OR51B5: variants seen among roughly 807,000 people sequenced by gnomAD.
OR51B5 encodes the protein olfactory receptor 51B5.
For synonymous variants in OR51B5, 186 were observed against 144.8 expected (o/e 1.28, Z -2.04); for missense variants, 456 against 374.6 (o/e 1.22, Z -1.79).
chr11:5,375,208 A>C (rs188658419), intron 1 of OR51B5, among the ~76,000 whole-genome samples: 10,805 of 129,478 alleles, frequency 0.083, 781 homozygotes, highest in South Asian at 0.11. Flanking sequence ...AATTTTCAAC[A>C]CAGAATTTAA....
chr11:5,423,138 A>G lies in OR51B5; in HGVS notation n.85-76228T>C, dbSNP rs1041461283. 1 of 1,596,434 alleles carries G rather than the reference A, an allele frequency of 6.3e-7. No individual in the cohort carries two copies. Among genetic ancestry groups the G allele is most frequent in the Admixed American group, 1.7e-5 (1 of 59,542 alleles). Reference sequence around the variant, plus strand: ...ATGTTAAATTTCCTTTCCCTCAAAAATATGCATTCAAGATGAGGGAATGCA... The same window carrying G: ...ATGTTAAATTTCCTTTCCCTCAAAAGTATGCATTCAAGATGAGGGAATGCA... On this transcript the variant is annotated intron_variant and non_coding_transcript_variant, in intron 1 of 4. Coordinates refer to the OR51B5 transcript ENST00000415970.
rs541058520 is a variant in OR51B5, at chr11:5,418,734, G to T, written n.85-71824C>A. Among the ~76,000 whole-genome samples the T allele has an allele frequency of 3.2e-4, 49 of 151,662 alleles. No homozygotes were observed. In the East Asian group the frequency reaches 8.6e-3, roughly 27 times the overall value. ...CACACACCCGAGCCTATCGGGGGAT[G>T]GGGGGTTAGGGGAGGGATAGCATTA... On this transcript the variant is annotated intron_variant and non_coding_transcript_variant, in intron 1 of 4. Transcript: ENST00000415970.
chr11:5,426,055 T>C (rs980953196), intron 1 of OR51B5, among the ~76,000 whole-genome samples: 4 of 152,208 alleles, frequency 2.6e-5, no homozygotes, highest in African/African-American at 4.8e-5. Flanking sequence ...ACTATCAAGC[T>C]GCACGAAGAT....
intron 1 of OR51B5, among the ~76,000 whole-genome samples, chr11:5,465,371 T>C (rs1454022593): frequency 1.3e-5 from 2 of 151,994 alleles, no homozygotes; most frequent in Non-Finnish European, 2.9e-5. Flanking sequence ...TGAGCATTTT[T>C]TCATGTGTTT....
At chr11:5,364,949 G>T (rs1849343147) in intron 1 of OR51B5, among the ~76,000 whole-genome samples, 1 of 141,346 alleles carries the variant, frequency 7.1e-6, no homozygotes, top group Non-Finnish European at 1.6e-5. Context: ...AGGAGAAGCA[G>T]AGAGAGAGGG....
intron 1 of OR51B5, among the ~76,000 whole-genome samples, chr11:5,493,417 C>T (rs1444956085): frequency 6.6e-6 from 1 of 152,132 alleles, no homozygotes; most frequent in Non-Finnish European, 1.5e-5. Flanking sequence ...TCTAAAAAGA[C>T]ATTATTTTCC....
At chr11:5,352,211 C>G in intron 1 of OR51B5, 1 of 1,614,082 alleles carries the variant, frequency 6.2e-7, no homozygotes, top group Non-Finnish European at 8.5e-7. Context: ...AGGGCCAAGG[C>G]CCTCAACACA....
intron 1 of OR51B5, among the ~76,000 whole-genome samples, chr11:5,433,276 T>G (rs938997631): frequency 6.6e-6 from 1 of 152,150 alleles, no homozygotes; most frequent in Admixed American, 6.5e-5. Flanking sequence ...AGTCAGAAGG[T>G]TGAAATAATA....
At chr11:5,357,550 A>C (rs536883368) in intron 1 of OR51B5, among the ~76,000 whole-genome samples, 22 of 152,160 alleles carry the variant, frequency 1.4e-4, no homozygotes, top group Middle Eastern at 3.4e-3. Context: ...CCCCACTGTC[A>C]ACATTAGACA....
chr11:5,484,326 T>C (rs557755198), intron 1 of OR51B5, among the ~76,000 whole-genome samples: 1 of 152,256 alleles, frequency 6.6e-6, no homozygotes, highest in East Asian at 1.9e-4. Context: ...GGGAAATAAA[T>C]GGGACCTGCT....
At chr11:5,406,447 T>C (rs925922120) in intron 1 of OR51B5, among the ~76,000 whole-genome samples, 6 of 152,276 alleles carry the variant, frequency 3.9e-5, no homozygotes, top group South Asian at 2.1e-4. Context: ...TTGGTGTCTA[T>C]GAAATTGTGT....
At chr11:5,358,021 C>G (rs910067040) in intron 1 of OR51B5, among the ~76,000 whole-genome samples, 2 of 151,700 alleles carry the variant, frequency 1.3e-5, no homozygotes, top group Non-Finnish European at 2.9e-5. Context: ...TAGCACTAAA[C>G]GCCCAGAAGA....
At chr11:5,412,670 G>A (rs7109708) in intron 1 of OR51B5, among the ~76,000 whole-genome samples, 3 of 151,980 alleles carry the variant, frequency 2.0e-5, no homozygotes, top group African/African-American at 7.3e-5. Flanking sequence ...GTCCTACGCC[G>A]ACGGAGTCTC....
chr11:5,390,361 T>C, intron 1 of OR51B5: 1 of 1,601,526 alleles, frequency 6.2e-7, no homozygotes, highest in South Asian at 1.1e-5. Context: ...TCCTAGGTCT[T>C]AAAAAGGCCA....
intron 1 of OR51B5, among the ~76,000 whole-genome samples, chr11:5,396,956 G>C (rs558254789): frequency 2.0e-5 from 3 of 152,170 alleles, no homozygotes; most frequent in African/African-American, 7.2e-5. Flanking sequence ...AATGGGGAAA[G>C]GATTCCCTGT....
chr11:5,490,471 G>T (rs430252), intron 1 of OR51B5, among the ~76,000 whole-genome samples: 84,599 of 151,910 alleles, frequency 0.56, 24,456 homozygotes, highest in East Asian at 0.64. Context: ...CCATTTTGAG[G>T]TCTCTTTCCT....
intron 1 of OR51B5, among the ~76,000 whole-genome samples, chr11:5,388,452 T>C (rs1401906904): frequency 6.6e-6 from 1 of 151,038 alleles, no homozygotes; most frequent in African/African-American, 2.4e-5. Context: ...GTTATATTAG[T>C]AGAAGTTAAC....
At chr11:5,350,253 C>T (rs1280384896) in intron 1 of OR51B5, among the ~76,000 whole-genome samples, 1 of 152,184 alleles carries the variant, frequency 6.6e-6, no homozygotes, top group African/African-American at 2.4e-5. Flanking sequence ...AAATTACTTT[C>T]CCAAGATCAT....
intron 1 of OR51B5, among the ~76,000 whole-genome samples, chr11:5,428,053 T>C (rs991705524): frequency 2.6e-5 from 4 of 152,130 alleles, no homozygotes; most frequent in Non-Finnish European, 4.4e-5. Context: ...CAAAACATTA[T>C]GTGTTTAGAT....
Sources: gnomAD v4.1 joint callset for allele counts (sites outside exome capture counted in the v4.1 genomes callset) on GRCh38, gnomAD v4.1.1 for gene constraint, MANE v1.5 for transcripts, NCBI Gene and HGNC (gene_info 2026-07-23, HGNC 2026-07-21) for gene names.